PTPRT: variants seen among roughly 807,000 people sequenced by gnomAD.
The protein encoded by PTPRT is protein tyrosine phosphatase receptor type T.
In PTPRT, 56 loss-of-function variants were observed where a neutral mutation model predicts 176.8. The observed-to-expected ratio is 0.32, with a 90% confidence interval of 0.26 to 0.40. The LOEUF is 0.40. Among genes scored for constraint, PTPRT ranks in the 10% least tolerant of loss-of-function variants. The pLI is 1.00. For synonymous variants in PTPRT, 783 were observed against 739.0 expected, an observed-to-expected ratio of 1.06 and a Z score of -0.96; for missense variants, 1,540 against 1,908.2, an observed-to-expected ratio of 0.81 and a Z score of 3.60.
chr20:42,547,040 T>C (rs6513800), intron 7 of PTPRT, among the ~76,000 whole-genome samples: 56,520 of 151,998 alleles, frequency 0.37, 10,570 homozygotes, highest in Admixed American at 0.41. Flanking sequence ...TAGACTTGCT[T>C]GATTCAGGGT....
intron 13 of PTPRT, among the ~76,000 whole-genome samples, chr20:42,254,569 A>G (rs1451900008): frequency 6.6e-6 from 1 of 152,104 alleles, no homozygotes; most frequent in East Asian, 1.9e-4. Flanking sequence ...TGGAAGGTGG[A>G]GTAGATTTGG....
intron 12 of PTPRT, among the ~76,000 whole-genome samples, chr20:42,310,061 A>T (rs2057603448): frequency 6.6e-6 from 1 of 152,200 alleles, no homozygotes; most frequent in Admixed American, 6.5e-5. Context: ...CAAACAGTGA[A>T]GAAAAGACAG....
intron 1 of PTPRT, among the ~76,000 whole-genome samples, chr20:42,934,947 G>A (rs1433535582): frequency 1.3e-5 from 2 of 151,378 alleles, no homozygotes; most frequent in South Asian, 2.1e-4. Flanking sequence ...GCATAGTGGC[G>A]GTGCCTGTAA....
At chr20:42,598,005 C>T (rs957488875) in intron 7 of PTPRT, among the ~76,000 whole-genome samples, 1 of 152,102 alleles carries the variant, frequency 6.6e-6, no homozygotes, top group South Asian at 2.1e-4. Context: ...ATATATATGC[C>T]CACAGAAGCC....
At chr20:42,379,787 A>G (rs562394606) in intron 9 of PTPRT, among the ~76,000 whole-genome samples, 61 of 152,362 alleles carry the variant, frequency 4.0e-4, no homozygotes, top group African/African-American at 1.4e-3. Context: ...GCAGAACTCA[A>G]CAAAGAATTA....
chr20:42,527,967 C>T (rs2072308467), intron 7 of PTPRT, among the ~76,000 whole-genome samples: 1 of 152,200 alleles, frequency 6.6e-6, no homozygotes, highest in Admixed American at 6.5e-5. Flanking sequence ...AAATGCAAAA[C>T]TATGCCACTC....
chr20:42,736,661 G>C (rs1283788049), intron 6 of PTPRT, among the ~76,000 whole-genome samples: 2 of 152,228 alleles, frequency 1.3e-5, no homozygotes, highest in African/African-American at 4.8e-5. Context: ...GTTCATGGAA[G>C]GGGTTCCTGA....
At chr20:43,138,269 C>T (rs539935227) in intron 1 of PTPRT, among the ~76,000 whole-genome samples, 9 of 152,342 alleles carry the variant, frequency 5.9e-5, no homozygotes, top group African/African-American at 1.7e-4. Flanking sequence ...AGCTCAGAAA[C>T]CCAAAGCTAA....
At chr20:43,112,867 G>A (rs1376997585) in intron 1 of PTPRT, among the ~76,000 whole-genome samples, 1 of 152,050 alleles carries the variant, frequency 6.6e-6, no homozygotes, top group Non-Finnish European at 1.5e-5. Context: ...GTGGGGTTTT[G>A]CATGTAACTC....
chr20:42,621,875 A>T (rs1006753532), intron 7 of PTPRT, among the ~76,000 whole-genome samples: 1 of 141,444 alleles, frequency 7.1e-6, no homozygotes, highest in Non-Finnish European at 1.5e-5. Flanking sequence ...TATGAAAGAG[A>T]ACAGCTAATA....
At chr20:42,442,973 G>A (rs1395365859) in intron 9 of PTPRT, among the ~76,000 whole-genome samples, 1 of 152,098 alleles carries the variant, frequency 6.6e-6, no homozygotes, top group Admixed American at 6.6e-5. Flanking sequence ...CCACCCTTCT[G>A]CACATCCACA....
At chr20:42,048,061 T>C in the PTPRT span, among the ~76,000 whole-genome samples, 1 of 152,158 alleles carries the variant, frequency 6.6e-6, no homozygotes, top group Non-Finnish European at 1.5e-5. Flanking sequence ...CTGGGTTTCA[T>C]AGGTTGAATT....
intron 9 of PTPRT, among the ~76,000 whole-genome samples, chr20:42,354,062 T>TAA (rs143838124): frequency 1.3e-5 from 2 of 150,080 alleles, no homozygotes; most frequent in Non-Finnish European, 3.0e-5. Context: ...TCTAAAAAAT[T>TAA]AAAAAAAAAA....
In PTPRT at chr20:42,074,444, A is replaced by G. The variant is rs1449314325; in HGVS notation, c.*6435T>C. The G allele has an allele frequency of 3.6e-6, 1 of 275,566 alleles. No individual in the cohort carries two copies. Among genetic ancestry groups the G allele is most frequent in the African/African-American group, 2.1e-5 (1 of 46,618 alleles). The allele number at this position is 275,566 out of a possible 1,614,324, so 17.1% of individuals were successfully genotyped here. A position where few individuals can be genotyped will look rare whatever the true frequency, so the allele number is the denominator to read the frequency against. On this transcript the variant is annotated 3_prime_UTR_variant, in exon 31 of 31. Coordinates refer to ENST00000373187, the MANE Select transcript of PTPRT (RefSeq NM_007050.6). ...CTGAGCTCCAGGCTTTTATACTGAT[A>G]CTTTTCTGTCCAACACTTCAAGGCC...
Position 42,881,927 on chromosome 20 carries a change from C to G in PTPRT, c.214+3880G>C, listed in dbSNP as rs1355735723. Among the ~76,000 whole-genome samples, 3 of 151,834 alleles carry G rather than the reference C, an allele frequency of 2.0e-5. No homozygotes were observed. In the East Asian group the frequency reaches 5.8e-4, roughly 29 times the overall value. On this transcript the variant is annotated intron_variant, in intron 2 of 30. Transcript: ENST00000373187. ...TATGAGAGAGGAGAAGAAAAGGGGC[C>G]CAAAGAAGACATTGGATCATGCAGG...
intron 1 of PTPRT, among the ~76,000 whole-genome samples, chr20:42,964,500 T>C (rs1204004190): frequency 6.8e-6 from 1 of 146,954 alleles, no homozygotes; most frequent in Non-Finnish European, 1.5e-5. Context: ...CATTGAGATA[T>C]AGAAAGGAAA....
chr20:42,209,557 T>C (rs1322081955), intron 15 of PTPRT, among the ~76,000 whole-genome samples: 1 of 152,118 alleles, frequency 6.6e-6, no homozygotes, highest in Non-Finnish European at 1.5e-5. Flanking sequence ...AAGAAATGGA[T>C]AAATTCCTTG....
intron 7 of PTPRT, among the ~76,000 whole-genome samples, chr20:42,533,087 C>A (rs2072414179): frequency 6.6e-6 from 1 of 152,190 alleles, no homozygotes; most frequent in African/African-American, 2.4e-5. Flanking sequence ...TACCTGTAAT[C>A]TTCCCTCCGC....
chr20:42,687,213 C>T (rs1406799960), intron 6 of PTPRT: 1 of 152,122 alleles, frequency 6.6e-6, no homozygotes, highest in East Asian at 1.9e-4. Context: ...AGAAAGATCC[C>T]ATCAAACGCA....
Sources: gnomAD v4.1 joint callset for allele counts (sites outside exome capture counted in the v4.1 genomes callset) on GRCh38, gnomAD v4.1.1 for gene constraint, MANE v1.5 for transcripts, NCBI Gene and HGNC (gene_info 2026-07-23, HGNC 2026-07-21) for gene names.